Variants in PALM observed in about 807,000 individuals in gnomAD.
PALM encodes paralemmin.
PALM carries 18 observed loss-of-function variants against 30.7 expected under a neutral mutation model. That is an observed-to-expected ratio of 0.59 (90% confidence interval 0.41 to 0.87). The LOEUF is 0.87. Among genes scored for constraint, PALM ranks in the 40% least tolerant of loss-of-function variants. The pLI is 0.00. For missense variants in PALM, 529 were observed against 555.4 expected (o/e 0.95, Z 0.48); for synonymous variants, 286 against 242.8 (o/e 1.18, Z -1.66).
chr19:726,994 G>GCCCC lies in PALM; in HGVS notation c.58-14_58-13insCCCC. 4.1e-6 allele frequency: 2 copies of GCCCC among 484,258 alleles called. No homozygotes were observed. The highest frequency in any genetic ancestry group is 6.8e-6 in the Non-Finnish European group (2 of 294,826). 30.0% of individuals were successfully genotyped at this position (484,258 alleles called of 1,614,324 possible). A position where few individuals can be genotyped will look rare whatever the true frequency, so the allele number is the denominator to read the frequency against. ...CCCACGCCCATCCCTGACCCCACCC[G>GCCCC]GCCCTCCCCACAGGAGAAGCGGAAG... On this transcript the variant is annotated splice_polypyrimidine_tract_variant and intron_variant, in intron 2 of 8. Coordinates refer to ENST00000338448, the MANE Select transcript of PALM (RefSeq NM_002579.3).
intron 7 of PALM, among the ~76,000 whole-genome samples, chr19:738,483 G>A (rs1235702687): frequency 3.3e-5 from 5 of 151,958 alleles, no homozygotes; most frequent in African/African-American, 9.6e-5. Context: ...CTGAGATCAC[G>A]CCACTGCACT....
chr19:713,082 T>G (rs1002535389), intron 1 of PALM, among the ~76,000 whole-genome samples: 6 of 151,978 alleles, frequency 3.9e-5, no homozygotes, highest in African/African-American at 1.5e-4. Flanking sequence ...GGGTGGGGGG[T>G]TTGCTGCTGG....
Position 746,278 on chromosome 19 carries a change from T to C in PALM, c.635-7T>C. The stretch of plus-strand genomic sequence containing the variant: ...CTGGGTCATTCTCTCTGTCTCTCCT[T>C]GTACAGTGGTCCATGCTGTGGACGG... On this transcript the variant is annotated splice_region_variant and splice_polypyrimidine_tract_variant and intron_variant, in intron 8 of 8. Coordinates refer to ENST00000338448, the MANE Select transcript of PALM (RefSeq NM_002579.3). This position sits in a 1 kb window ranked among gnomAD's most constrained non-coding sequence, Gnocchi z 7.1. The C allele has an allele frequency of 1.2e-6, 2 of 1,610,428 alleles. No individual in the cohort carries two copies. Among genetic ancestry groups the C allele is most frequent in the Non-Finnish European group, 1.7e-6 (2 of 1,178,170 alleles).
Position 727,015 on chromosome 19 carries a change from G to A in PALM, c.65G>A (p.Arg22Gln), listed in dbSNP as rs1187942899. Residue 22 changes from arginine to glutamine, a missense_variant, in exon 3 of 9, where the codon CGG (arginine) becomes CAG (glutamine). Coordinates refer to ENST00000338448, the MANE Select transcript of PALM (RefSeq NM_002579.3). ...QERLQAIAEKRKRQAEIENKR... is the reference protein window; with the variant it reads ...QERLQAIAEKQKRQAEIENKR... ...ACCCGGCCCTCCCCACAGGAGAAGC[G>A]GAAGCGGCAGGCGGAGATCGAGAAC... 1.4e-5 allele frequency: 15 copies of A among 1,108,762 alleles called. No homozygotes were observed. Among genetic ancestry groups the A allele is most frequent in the Non-Finnish European group, 1.7e-5 (14 of 812,494 alleles). The allele number at this position is 1,108,762 out of a possible 1,614,324, so 68.7% of individuals were successfully genotyped here.
At chr19:729,222 A>C (rs1435135748) in intron 4 of PALM, among the ~76,000 whole-genome samples, 2 of 151,056 alleles carry the variant, frequency 1.3e-5, no homozygotes, top group Non-Finnish European at 3.0e-5. Flanking sequence ...GCTACTGGGG[A>C]GGCTGAGGCA....
chr19:723,603 T>A (rs1052719654), intron 1 of PALM, among the ~76,000 whole-genome samples: 1 of 150,940 alleles, frequency 6.6e-6, no homozygotes, highest in Non-Finnish European at 1.5e-5. Context: ...TTTGTTTTGT[T>A]TTGTTTTTGA....
intron 1 of PALM, among the ~76,000 whole-genome samples, chr19:724,132 G>A (rs898864622): frequency 6.6e-6 from 1 of 152,088 alleles, no homozygotes; most frequent in African/African-American, 2.4e-5. Flanking sequence ...GCTGTGGGGA[G>A]GTCAGAGAAC....
chr19:721,146 G>A (rs894615338), intron 1 of PALM, among the ~76,000 whole-genome samples: 2 of 152,190 alleles, frequency 1.3e-5, no homozygotes, highest in Non-Finnish European at 2.9e-5. Context: ...TAGCCAGGGG[G>A]CCCTGCAGGA....
intron 7 of PALM, among the ~76,000 whole-genome samples, chr19:739,294 G>A (rs2033117845): frequency 6.6e-6 from 1 of 152,124 alleles, no homozygotes; most frequent in Non-Finnish European, 1.5e-5. Flanking sequence ...TGGATGGTCG[G>A]GGCGGGGGCT....
chr19:743,754 G>A (rs952242187), intron 8 of PALM, among the ~76,000 whole-genome samples: 10 of 152,124 alleles, frequency 6.6e-5, no homozygotes, highest in African/African-American at 1.2e-4. Context: ...GCAGGGAGCC[G>A]TGGGGTGCTG....
intron 1 of PALM, among the ~76,000 whole-genome samples, chr19:717,394 C>T (rs2032301203): frequency 6.6e-6 from 1 of 152,038 alleles, no homozygotes; most frequent in Non-Finnish European, 1.5e-5. Context: ...GACATGGGAT[C>T]ACACGCTGCG....
At chr19:722,067 C>T (rs1357366025) in intron 1 of PALM, among the ~76,000 whole-genome samples, 5 of 151,656 alleles carry the variant, frequency 3.3e-5, no homozygotes, top group African/African-American at 7.3e-5. Flanking sequence ...TACAGGCACC[C>T]GCCACCACGC....
chr19:711,263 G>A, intron 1 of PALM: 2 of 860,706 alleles, frequency 2.3e-6, no homozygotes, highest in Non-Finnish European at 2.8e-6. Flanking sequence ...TCTGTGCTCT[G>A]GGAGGGTTTG....
At position 731,089 on chromosome 19, in the gene PALM, C is replaced by T. The variant is rs759765521; in HGVS notation, c.270-6C>T. On this transcript the variant is annotated splice_region_variant and splice_polypyrimidine_tract_variant and intron_variant, in intron 4 of 8. Coordinates refer to ENST00000338448, the MANE Select transcript of PALM (RefSeq NM_002579.3). ...AGTCACCCTCACAGGCACACCCTCT[C>T]CCCAGGTTGGAGAAGGAAATTGAGG... is the stretch of plus-strand genomic sequence containing the variant. The T allele has an allele frequency of 2.5e-6, 4 of 1,575,004 alleles. No homozygotes were observed. The highest frequency in any genetic ancestry group is 1.2e-5 in the South Asian group (1 of 86,202).
At chr19:737,797 C>T (rs1033862517) in intron 7 of PALM, among the ~76,000 whole-genome samples, 2 of 151,642 alleles carry the variant, frequency 1.3e-5, no homozygotes, top group African/African-American at 2.4e-5. Context: ...GGGGAGAGGG[C>T]GGAGGAGAGA....
intron 1 of PALM, among the ~76,000 whole-genome samples, chr19:720,093 G>C (rs1249937480): frequency 6.6e-6 from 1 of 151,784 alleles, no homozygotes; most frequent in South Asian, 2.1e-4. Context: ...GCCGCAGCGC[G>C]GGGGAGAAAT....
Position 726,991 on chromosome 19 carries a change from C to G in PALM, c.58-17C>G. ...ACCCCCACGCCCATCCCTGACCCCACCCGGCCCTCCCCACAGGAGAAGCGG... is the reference window on the plus strand; with the variant it reads ...ACCCCCACGCCCATCCCTGACCCCAGCCGGCCCTCCCCACAGGAGAAGCGG... On this transcript the variant is annotated splice_polypyrimidine_tract_variant and intron_variant, in intron 2 of 8. Coordinates refer to ENST00000338448, the MANE Select transcript of PALM (RefSeq NM_002579.3). 8.1e-7 allele frequency: 1 copy of G among 1,240,470 alleles called. No individual in the cohort carries two copies. The highest frequency in any genetic ancestry group is 1.1e-6 in the Non-Finnish European group (1 of 878,038). 76.8% of individuals were successfully genotyped at this position (1,240,470 alleles called of 1,614,324 possible). A position where few individuals can be genotyped will look rare whatever the true frequency, so the allele number is the denominator to read the frequency against.
chr19:747,062 C>T lies in PALM; in HGVS notation c.*248C>T, dbSNP rs2065819003. Reference sequence around the variant, plus strand: ...TGGTAGGAGAGAGACAGGACAGACCCGCTTTTCCCGAGACAAGGACCCCCC... The same window carrying T: ...TGGTAGGAGAGAGACAGGACAGACCTGCTTTTCCCGAGACAAGGACCCCCC... On this transcript the variant is annotated 3_prime_UTR_variant, in exon 9 of 9. Coordinates refer to ENST00000338448, the MANE Select transcript of PALM (RefSeq NM_002579.3). 4 of 479,690 alleles carry T rather than the reference C, an allele frequency of 8.3e-6. No homozygotes were observed. The highest frequency in any genetic ancestry group is 1.5e-5 in the Non-Finnish European group (4 of 270,334). 29.7% of individuals were successfully genotyped at this position (479,690 alleles called of 1,614,324 possible).
chr19:710,653 C>T (rs79892802), intron 1 of PALM, among the ~76,000 whole-genome samples: 1,081 of 75,324 alleles, frequency 0.014, 14 homozygotes, highest in African/African-American at 0.053. Flanking sequence ...GAGCTGCTGC[C>T]CCCCCCCCAC....
Sources: gnomAD v4.1 joint callset for allele counts (sites outside exome capture counted in the v4.1 genomes callset) on GRCh38, gnomAD v4.1.1 for gene constraint, Gnocchi (gnomAD v3.1) non-coding constraint, MANE v1.5 for transcripts, NCBI Gene and HGNC (gene_info 2026-07-23, HGNC 2026-07-21) for gene names.